The following CCDC102B variants were observed in gnomAD, a reference collection of about 807,000 sequenced individuals.
CCDC102B encodes coiled-coil domain-containing protein 102B.
A neutral mutation model predicts 57.4 loss-of-function variants in CCDC102B; 75 were observed. The ratio of observed to expected loss-of-function variants is 1.31; its 90% CI spans 1.08 to 1.58. The LOEUF is 1.58. CCDC102B is among the 40% of genes most tolerant of loss of function. The pLI is 0.00. For synonymous variants in CCDC102B, 206 were observed against 201.9 expected (o/e 1.02, Z -0.17); for missense variants, 636 against 582.6 (o/e 1.09, Z -0.94).
chr18:68,956,451 A>T (rs1227345132), intron 6 of CCDC102B, among the ~76,000 whole-genome samples: 352 of 22,834 alleles, frequency 0.015, 83 homozygotes, highest in African/African-American at 0.076. Flanking sequence ...TATTATATAT[A>T]TTATATATTT....
chr18:68,896,352 A>T lies in CCDC102B; in HGVS notation c.1054-867A>T, dbSNP rs566606847. Among the ~76,000 whole-genome samples, 35 of 152,164 alleles carry T rather than the reference A, an allele frequency of 2.3e-4. 2 individuals carry two copies. In the South Asian group the frequency reaches 6.4e-3, roughly 28 times the overall value. On this transcript the variant is annotated intron_variant, in intron 5 of 7. Transcript: ENST00000360242. ...AGATATTAAAATTATCTTAAATCAG[A>T]ATTTCTAGAGTAGGCTTCTGGTCAT...
chr18:68,782,862 GATT>G (rs1568247397), intron 2 of CCDC102B, among the ~76,000 whole-genome samples: 1 of 152,152 alleles, frequency 6.6e-6, no homozygotes, highest in Admixed American at 6.5e-5. Context: ...TCACAGGACT[GATT>G]AATCAGCACC....
At position 68,754,126 on chromosome 18, in the gene CCDC102B, A is replaced by G. The variant is rs540806534; in HGVS notation, c.-67+37532A>G. The G allele has an allele frequency of 2.0e-5, 3 of 152,128 alleles. No individual in the cohort carries two copies. The East Asian group carries it at 5.8e-4, about 30-fold the overall frequency. The allele number at this position is 152,128 out of a possible 1,614,324, so 9.4% of individuals were successfully genotyped here. A position where few individuals can be genotyped will look rare whatever the true frequency, so the allele number is the denominator to read the frequency against. On this transcript the variant is annotated intron_variant, in intron 2 of 3. Transcript: ENST00000578970. Reference sequence around the variant, plus strand: ...AAAACATATTATTACTTGGGTGTAAATTATTTATTTCACAAAATATTTGAG... The same window carrying G: ...AAAACATATTATTACTTGGGTGTAAGTTATTTATTTCACAAAATATTTGAG...
intron 7 of CCDC102B, among the ~76,000 whole-genome samples, chr18:69,017,533 T>A (rs920440982): frequency 6.6e-6 from 1 of 152,162 alleles, no homozygotes; most frequent in African/African-American, 2.4e-5. Flanking sequence ...TTTAACCTTT[T>A]AAATAAAAAT....
At chr18:68,820,077 G>A (rs982604121) in intron 1 of CCDC102B, among the ~76,000 whole-genome samples, 27 of 152,030 alleles carry the variant, frequency 1.8e-4, no homozygotes, top group African/African-American at 6.3e-4. Context: ...CTAATGGCTA[G>A]ACTTCTCCTT....
At chr18:68,954,811 C>A (rs4450506) in intron 6 of CCDC102B, among the ~76,000 whole-genome samples, 45,482 of 152,088 alleles carry the variant, frequency 0.3, 8,411 homozygotes, top group African/African-American at 0.51. Flanking sequence ...TGCCTGAACT[C>A]TAATTGCATT....
At chr18:68,766,761 G>A (rs1599430941) in intron 2 of CCDC102B, among the ~76,000 whole-genome samples, 2 of 152,134 alleles carry the variant, frequency 1.3e-5, no homozygotes, top group African/African-American at 4.8e-5. Context: ...TCTGGCTGGT[G>A]TGCCACAGGC....
At chr18:69,038,432 G>A (rs776225460) in intron 7 of CCDC102B, among the ~76,000 whole-genome samples, 47 of 151,796 alleles carry the variant, frequency 3.1e-4, no homozygotes, top group Non-Finnish European at 5.7e-4. Context: ...CTTTTGGTAT[G>A]GCTTTGATTT....
intron 2 of CCDC102B, among the ~76,000 whole-genome samples, chr18:68,741,586 G>A (rs567690160): frequency 1.3e-5 from 2 of 151,518 alleles, no homozygotes; most frequent in Admixed American, 6.6e-5. Flanking sequence ...TTTGCAATAA[G>A]GCAAATGCCT....
At chr18:68,941,955 G>T (rs1175196765) in intron 6 of CCDC102B, among the ~76,000 whole-genome samples, 1 of 151,994 alleles carries the variant, frequency 6.6e-6, no homozygotes, top group East Asian at 1.9e-4. Context: ...CTTCAGGCAA[G>T]GTTAATGTGC....
At chr18:69,048,911 T>A (rs1299591952) in intron 7 of CCDC102B, among the ~76,000 whole-genome samples, 1 of 152,134 alleles carries the variant, frequency 6.6e-6, no homozygotes, top group African/African-American at 2.4e-5. Context: ...TATTTTTATT[T>A]ATTTATTTTT....
intron 2 of CCDC102B, among the ~76,000 whole-genome samples, chr18:68,774,698 G>T (rs1391373216): frequency 6.6e-6 from 1 of 151,948 alleles, no homozygotes; most frequent in East Asian, 1.9e-4. Flanking sequence ...CAATTGCTTA[G>T]TTTCATTTTA....
At chr18:68,897,615 G>A in intron 6 of CCDC102B, 187 bp downstream of exon 6, 1 of 1,542,518 alleles carries the variant, frequency 6.5e-7, no homozygotes. Flanking sequence ...AACAAAGTGT[G>A]TCAAATGTTA....
At chr18:68,785,057 T>A (rs1367941187) in intron 2 of CCDC102B, among the ~76,000 whole-genome samples, 1 of 145,612 alleles carries the variant, frequency 6.9e-6, no homozygotes, top group East Asian at 2.1e-4. Context: ...AATTCCCACC[T>A]ATGAGTGAGA....
At chr18:68,754,882 A>C (rs1172968097) in intron 2 of CCDC102B, 1 of 152,274 alleles carries the variant, frequency 6.6e-6, no homozygotes, top group Non-Finnish European at 1.5e-5. Context: ...CCATGTGAGC[A>C]TGCAGGGAGA....
chr18:68,919,542 G>A (rs2041199127), intron 6 of CCDC102B, among the ~76,000 whole-genome samples: 1 of 152,144 alleles, frequency 6.6e-6, no homozygotes, highest in Admixed American at 6.5e-5. Flanking sequence ...TCTTGTTAGA[G>A]TCACGATACT....
intron 4 of CCDC102B, among the ~76,000 whole-genome samples, chr18:68,870,724 C>T (rs999518644): frequency 6.6e-5 from 10 of 152,070 alleles, no homozygotes; most frequent in East Asian, 5.8e-4. Flanking sequence ...ATTTGGTGTT[C>T]GGGGAGATTG....
At chr18:68,816,822 T>C (rs1311710726) in intron 1 of CCDC102B, among the ~76,000 whole-genome samples, 1 of 152,224 alleles carries the variant, frequency 6.6e-6, no homozygotes, top group African/African-American at 2.4e-5. Context: ...TAAAGAGCTA[T>C]TGACTATTTT....
intron 2 of CCDC102B, among the ~76,000 whole-genome samples, chr18:68,746,741 T>TA (rs563490146): frequency 5.9e-5 from 9 of 151,526 alleles, no homozygotes; most frequent in South Asian, 2.1e-4. Flanking sequence ...TCTTTTTTTT[T>TA]TAAAAAATGA....
Sources: allele counts gnomAD v4.1 joint callset (sites outside exome capture counted in the v4.1 genomes callset), GRCh38; gene constraint gnomAD v4.1.1; transcripts MANE v1.5; gene names NCBI Gene and HGNC (gene_info 2026-07-23, HGNC 2026-07-21).